The following DAP3 variants were observed in gnomAD, a reference collection of about 807,000 sequenced individuals.
The protein encoded by DAP3 is death associated protein 3, also known as small ribosomal subunit protein mS29.
DAP3 carries 28 observed loss-of-function variants against 51.9 expected under a neutral mutation model. That is an observed-to-expected ratio of 0.54 (90% CI 0.40 to 0.74). DAP3 has a LOEUF of 0.74. Among genes scored for constraint, DAP3 ranks in the 30% least tolerant of loss-of-function variants. The probability of loss-of-function intolerance (pLI) is 0.00; values close to 1 mark genes in which losing one functional copy is unlikely to be tolerated. For synonymous variants in DAP3, 170 were observed against 170.3 expected (o/e 1.00, Z 0.01); for missense variants, 458 against 483.5 (o/e 0.95, Z 0.49).
chr1:155,705,432 C>T (rs1274926619), intron 1 of DAP3, among the ~76,000 whole-genome samples: 2 of 149,920 alleles, frequency 1.3e-5, no homozygotes, highest in African/African-American at 4.9e-5. Context: ...GTTATGTCTA[C>T]CCAAAAAAAA....
rs1184246274 is a variant in DAP3 at position 155,692,115 on chromosome 1, A to G, written c.-8+2941A>G. On this transcript the variant is annotated intron_variant, in intron 1 of 12. Transcript: ENST00000368336. ...AGTGAATCTCCTTTGTGCTTAAACA[A>G]CGTATCTTTAGTTAGCTGGTGGGAG... is the stretch of plus-strand genomic sequence containing the variant. Among the ~76,000 whole-genome samples the G allele has an allele frequency of 1.5e-4, 21 of 142,024 alleles. 4 individuals are homozygous for G. Among genetic ancestry groups the G allele is most frequent in the African/African-American group, 2.9e-4 (9 of 31,480 alleles). The allele number at this position is 142,024 out of a possible 152,430, so 93.2% of individuals were successfully genotyped here. A position where few individuals can be genotyped will look rare whatever the true frequency, so the allele number is the denominator to read the frequency against.
intron 11 of DAP3, among the ~76,000 whole-genome samples, chr1:155,735,512 G>A (rs574407640): frequency 1.1e-4 from 17 of 152,080 alleles, no homozygotes; most frequent in African/African-American, 4.1e-4. Context: ...AGGAGGCAGA[G>A]GTTGCAGTGA....
upstream of DAP3, chr1:155,688,530 A>G: frequency 5.2e-6 from 8 of 1,542,950 alleles, no homozygotes; most frequent in Non-Finnish European, 5.2e-6. Flanking sequence ...GCTCCCACCA[A>G]CCACCACCTT....
At chr1:155,729,181 A>C in intron 8 of DAP3, 27 bp from the exon 9 acceptor site, 1 of 1,614,126 alleles carries the variant, frequency 6.2e-7, no homozygotes, top group Non-Finnish European at 8.5e-7. Flanking sequence ...CTCTGGTAGC[A>C]CTACAATCCA....
intron 9 of DAP3, among the ~76,000 whole-genome samples, chr1:155,730,436 C>A (rs916264142): frequency 6.6e-6 from 1 of 151,700 alleles, no homozygotes; most frequent in African/African-American, 2.4e-5. Context: ...CACAGTGAAA[C>A]CCTGTCCCTA....
intron 11 of DAP3, 168 bp downstream of exon 11, chr1:155,732,201 A>T: frequency 2.0e-6 from 1 of 491,884 alleles, no homozygotes; most frequent in South Asian, 3.3e-5. Flanking sequence ...TCATTGCTTT[A>T]TCCGTCTCCG....
chr1:155,715,383 A>G (rs1657205834), intron 2 of DAP3, among the ~76,000 whole-genome samples: 2 of 152,106 alleles, frequency 1.3e-5, no homozygotes. Context: ...TTAGCTGGGC[A>G]TAGTGGCATG....
intron 12 of DAP3, 24 bp downstream of exon 12, chr1:155,737,087 T>C: frequency 6.5e-7 from 1 of 1,546,412 alleles, no homozygotes; most frequent in Non-Finnish European, 8.9e-7. Flanking sequence ...TTTTTTCCTA[T>C]CAGGGCTTTG....
At chr1:155,724,328 G>T (rs1658327942) in intron 4 of DAP3, among the ~76,000 whole-genome samples, 1 of 152,084 alleles carries the variant, frequency 6.6e-6, no homozygotes. Flanking sequence ...AAGTCTAAAT[G>T]GTTAAAGTAA....
At chr1:155,688,156 C>A, upstream of DAP3, 2 of 1,613,900 alleles carry the variant, frequency 1.2e-6, no homozygotes, top group South Asian at 2.2e-5. Context: ...CTGGGTCCAC[C>A]GCGGATCCCT....
At chr1:155,738,115 C>T (rs1314128566) in intron 12 of DAP3, 42 bp from the exon 13 acceptor site, 1 of 1,586,648 alleles carries the variant, frequency 6.3e-7, no homozygotes, top group Admixed American at 1.7e-5. Context: ...CACAGTGCAG[C>T]AGGAGGAAAC....
intron 2 of DAP3, among the ~76,000 whole-genome samples, chr1:155,716,508 G>A (rs1194634050): frequency 6.6e-6 from 1 of 152,026 alleles, no homozygotes; most frequent in Non-Finnish European, 1.5e-5. Context: ...AGGAGGCGGA[G>A]CTTGCAGTGA....
At chr1:155,703,614 G>T (rs756019792) in intron 1 of DAP3, among the ~76,000 whole-genome samples, 6 of 152,042 alleles carry the variant, frequency 3.9e-5, no homozygotes, top group Non-Finnish European at 8.8e-5. Context: ...CTTGGCTCAC[G>T]GCAACCTCTG....
At chr1:155,688,723 G>A, upstream of DAP3, 14 of 1,196,034 alleles carry the variant, frequency 1.2e-5, no homozygotes, top group Non-Finnish European at 1.5e-5. Flanking sequence ...CTCCCCGCCC[G>A]CACGGCCACC....
intron 2 of DAP3, among the ~76,000 whole-genome samples, chr1:155,714,406 CG>C (rs997849331): frequency 1.8e-4 from 28 of 151,984 alleles, no homozygotes; most frequent in African/African-American, 6.5e-4. Context: ...AACCTATTTT[CG>C]GGAAGGTTAA....
chr1:155,691,039 C>G (rs1041492928), intron 1 of DAP3, among the ~76,000 whole-genome samples: 8 of 142,114 alleles, frequency 5.6e-5, no homozygotes, highest in Admixed American at 1.3e-4. Context: ...TCCTGAGTAG[C>G]TGGGACTACA....
chr1:155,710,413 G>A (rs1391059534), intron 2 of DAP3: 2 of 151,942 alleles, frequency 1.3e-5, no homozygotes, highest in African/African-American at 2.4e-5. Context: ...TGTATTTTTA[G>A]TAGAAACGGT....
chr1:155,690,137 G>A (rs1653539936), intron 1 of DAP3, among the ~76,000 whole-genome samples: 1 of 141,306 alleles, frequency 7.1e-6, no homozygotes, highest in Admixed American at 6.6e-5. Flanking sequence ...GATTAATGAG[G>A]ATATATTTTT....
Position 155,721,582 on chromosome 1 carries a change from A to G in DAP3, c.234A>G (p.Val78=). The G allele has an allele frequency of 1.2e-6, 2 of 1,614,018 alleles. No homozygotes were observed. Among genetic ancestry groups the G allele is most frequent in the Non-Finnish European group, 1.7e-6 (2 of 1,180,022 alleles). Residue 78 remains valine (V), a synonymous_variant, in exon 4 of 13, where the codon GTA becomes GTG. Coordinates refer to ENST00000368336, the MANE Select transcript of DAP3 (RefSeq NM_004632.4). ...TCTCCCCCCAGGATTTGGAGACTGT[A>G]TTTCCCCATGGCCTTCCTCCTCGCT... is the stretch of plus-strand genomic sequence containing the variant. ...YNISPQDLET[V]FPHGLPPRFV...
Sources: allele counts gnomAD v4.1 joint callset (sites outside exome capture counted in the v4.1 genomes callset), GRCh38; gene constraint gnomAD v4.1.1; transcripts MANE v1.5; gene names NCBI Gene and HGNC (gene_info 2026-07-23, HGNC 2026-07-21).